Variants in MAP4K3 observed in about 807,000 individuals in gnomAD.
MAP4K3 encodes the protein MAPK/ERK kinase kinase kinase 3.
MAP4K3 carries 94 observed loss-of-function variants against 143.5 expected under a neutral mutation model. That is an observed-to-expected ratio of 0.65 (90% CI 0.55 to 0.78). MAP4K3 has a LOEUF of 0.78. Among genes scored for constraint, MAP4K3 ranks in the 30% least tolerant of loss-of-function variants. The pLI is 0.00. For missense variants in MAP4K3, 1,077 were observed against 1,068.1 expected, an observed-to-expected ratio of 1.01 and a Z score of -0.12; for synonymous variants, 416 against 347.2, an observed-to-expected ratio of 1.20 and a Z score of -2.20.
intron 8 of MAP4K3, among the ~76,000 whole-genome samples, chr2:39,327,074 C>T (rs1683516360): frequency 6.6e-6 from 1 of 152,240 alleles, no homozygotes; most frequent in East Asian, 1.9e-4. Context: ...AATAGACCAA[C>T]ACGTCCAAAA....
intron 29 of MAP4K3, among the ~76,000 whole-genome samples, chr2:39,259,364 C>T (rs1015396647): frequency 2.0e-5 from 3 of 152,128 alleles, no homozygotes; most frequent in South Asian, 2.1e-4. Context: ...CCCAGTGATT[C>T]TGATGAATGC....
intron 16 of MAP4K3, among the ~76,000 whole-genome samples, chr2:39,295,829 G>T (rs540585417): frequency 6.8e-6 from 1 of 146,854 alleles, no homozygotes; most frequent in Non-Finnish European, 1.5e-5. Context: ...AGCAATTCTC[G>T]TGCCTCAGCC....
intron 1 of MAP4K3, among the ~76,000 whole-genome samples, chr2:39,436,061 G>A (rs919816675): frequency 3.3e-5 from 5 of 152,336 alleles, no homozygotes; most frequent in Admixed American, 6.5e-5. Context: ...CAAGACTGCT[G>A]CCACATTTGG....
chr2:39,412,689 C>G (rs764650864), intron 1 of MAP4K3, among the ~76,000 whole-genome samples: 2 of 152,010 alleles, frequency 1.3e-5, no homozygotes, highest in African/African-American at 4.8e-5. Context: ...TAGTAGTTAA[C>G]GTTTATGAAG....
chr2:39,311,940 G>T (rs993521071), intron 13 of MAP4K3, among the ~76,000 whole-genome samples: 9 of 152,174 alleles, frequency 5.9e-5, no homozygotes, highest in Non-Finnish European at 8.8e-5. Context: ...TTAATCAAAA[G>T]AGATCCATAA....
intron 5 of MAP4K3, 122 bp from the exon 6 acceptor site, chr2:39,337,089 C>G (rs1429939945): frequency 4.1e-6 from 2 of 492,052 alleles, no homozygotes; most frequent in East Asian, 7.3e-5. Context: ...AGATCTAGTA[C>G]TAATCATTAA....
At chr2:39,323,257 G>A (rs1683377183) in intron 12 of MAP4K3, 1 of 152,102 alleles carries the variant, frequency 6.6e-6, no homozygotes. Flanking sequence ...CCAAAACAAT[G>A]TCTGGATAAG....
At chr2:39,324,827 A>T (rs1444789296) in intron 12 of MAP4K3, among the ~76,000 whole-genome samples, 1 of 152,192 alleles carries the variant, frequency 6.6e-6, no homozygotes, top group Non-Finnish European at 1.5e-5. Context: ...AGCTTCCATT[A>T]ATATCAATGC....
chr2:39,402,237 TAC>T (rs1282324966), intron 1 of MAP4K3, among the ~76,000 whole-genome samples: 1 of 152,166 alleles, frequency 6.6e-6, no homozygotes, highest in Non-Finnish European at 1.5e-5. Flanking sequence ...TAATAGAAAC[TAC>T]AGTCTTTTCT....
In MAP4K3 at chr2:39,372,658, A is replaced by C. The variant is rs575738747; in HGVS notation, c.154+5408T>G. Among the ~76,000 whole-genome samples, 5 of 152,246 alleles carry C rather than the reference A, an allele frequency of 3.3e-5. No homozygotes were observed. In the East Asian group the frequency reaches 9.7e-4, roughly 29 times the overall value. On this transcript the variant is annotated intron_variant, in intron 2 of 33. Coordinates refer to ENST00000263881, the MANE Select transcript of MAP4K3 (RefSeq NM_003618.4). ...AGACATGTACAGTGAATGCATTTTC[A>C]ACAAAGATACCAAGAACATACACTG... is the stretch of plus-strand genomic sequence containing the variant.
chr2:39,324,539 C>A (rs1033623799), intron 12 of MAP4K3, among the ~76,000 whole-genome samples: 1 of 152,184 alleles, frequency 6.6e-6, no homozygotes, highest in African/African-American at 2.4e-5. Context: ...AATAGCTTAT[C>A]TATCATAAGA....
chr2:39,270,305 T>C (rs1453522414), intron 26 of MAP4K3, among the ~76,000 whole-genome samples: 4 of 152,246 alleles, frequency 2.6e-5, no homozygotes, highest in Admixed American at 2.6e-4. Flanking sequence ...TATAGTGATC[T>C]ATAGACTTGC....
chr2:39,404,603 TTTC>T (rs1235625187), intron 1 of MAP4K3, among the ~76,000 whole-genome samples: 15 of 150,668 alleles, frequency 1.0e-4, no homozygotes, highest in Non-Finnish European at 1.6e-4. Context: ...TTCTTTTTTT[TTTC>T]TTCTTTCTTT....
intron 2 of MAP4K3, among the ~76,000 whole-genome samples, chr2:39,359,812 C>T (rs540213076): frequency 7.9e-5 from 12 of 152,360 alleles, no homozygotes; most frequent in South Asian, 6.2e-4. Flanking sequence ...CTTTTAGCCA[C>T]GGCTGGAGCG....
At chr2:39,337,765 T>G (rs1367104626) in intron 4 of MAP4K3, among the ~76,000 whole-genome samples, 184 bp from the exon 5 acceptor site, 2 of 135,330 alleles carry the variant, frequency 1.5e-5, no homozygotes, top group East Asian at 2.1e-4. Context: ...TTTTTTTTTT[T>G]TTTTTTTTTT....
Position 39,392,701 on chromosome 2 carries a change from A to G in MAP4K3, c.97-14578T>C, listed in dbSNP as rs533039579. On this transcript the variant is annotated intron_variant, in intron 1 of 33. Transcript: ENST00000263881. ...TTGGCAGGTGGGGTGATTGGGTCAT[A>G]AGGCCAGAAAATGAATTAATGTCAT... Among the ~76,000 whole-genome samples, 153 of 152,318 alleles carry G rather than the reference A, an allele frequency of 1.0e-3. 1 individual carries two copies. The highest frequency in any genetic ancestry group is 3.3e-3 in the African/African-American group (138 of 41,574).
At chr2:39,391,335 A>G (rs1666650257) in intron 1 of MAP4K3, among the ~76,000 whole-genome samples, 1 of 132,824 alleles carries the variant, frequency 7.5e-6, no homozygotes, top group African/African-American at 2.9e-5. Context: ...CTCTGGCCTG[A>G]GCGACAGAGC....
chr2:39,436,017 C>G (rs1282221020), intron 1 of MAP4K3, among the ~76,000 whole-genome samples: 1 of 152,224 alleles, frequency 6.6e-6, no homozygotes, highest in Admixed American at 6.5e-5. Flanking sequence ...AGGAGTTCAA[C>G]TTCAGTTACC....
chr2:39,321,583 G>T (rs1165678417), intron 12 of MAP4K3, among the ~76,000 whole-genome samples: 1 of 152,148 alleles, frequency 6.6e-6, no homozygotes, highest in East Asian at 1.9e-4. Context: ...CACCCATAAA[G>T]GGTCTGTAAT....
Sources: allele counts gnomAD v4.1 joint callset (sites outside exome capture counted in the v4.1 genomes callset), GRCh38; gene constraint gnomAD v4.1.1; transcripts MANE v1.5; gene names NCBI Gene and HGNC (gene_info 2026-07-23, HGNC 2026-07-21).